Variants in LIPC observed in about 807,000 individuals in gnomAD.
LIPC encodes lipase C, hepatic type.
Under a neutral mutation model 50.7 loss-of-function variants are expected in LIPC, and 44 were observed. The ratio of observed to expected loss-of-function variants is 0.87; its 90% CI spans 0.68 to 1.11. The LOEUF (loss-of-function observed/expected upper bound fraction) is 1.11, where lower values mean the gene tolerates loss of function less well. LIPC is among the 50% of genes most tolerant of loss of function. LIPC has a pLI of 0.00. For synonymous variants in LIPC, 271 were observed against 256.4 expected (o/e 1.06, Z -0.54); for missense variants, 697 against 648.2 (o/e 1.08, Z -0.82).
rs763976980 is a variant in LIPC at position 58,538,510 on chromosome 15, G to A, written c.266G>A (p.Gly89Glu). The A allele has an allele frequency of 6.2e-7, 1 of 1,614,064 alleles. No individual in the cohort carries two copies. ...SSLPLVMIIH[G>E]WSVDGVLENW... ...CTGCCTCTGGTGATGATAATCCACG[G>A]GTGGTCGGTAGGAAATGCTGACATG... Residue 89 changes from glycine (G) to glutamate (E), a missense_variant, in exon 2 of 9, where the codon GGG becomes GAG. By Grantham distance (98) the Gly-to-Glu change is moderately conservative. Coordinates refer to ENST00000299022, the MANE Select transcript of LIPC (RefSeq NM_000236.3).
At chr15:58,557,131 C>T (rs1893979717) in intron 6 of LIPC, among the ~76,000 whole-genome samples, 1 of 152,020 alleles carries the variant, frequency 6.6e-6, no homozygotes, top group Non-Finnish European at 1.5e-5. Flanking sequence ...TGGGTATAAA[C>T]ATGTAAAAGT....
chr15:58,539,505 A>G (rs1447810450), intron 2 of LIPC, among the ~76,000 whole-genome samples: 1 of 152,182 alleles, frequency 6.6e-6, no homozygotes, highest in Non-Finnish European at 1.5e-5. Context: ...CCAAGAGGAA[A>G]TCCTGCCTCC....
At chr15:58,447,418 T>A (rs115046335) in intron 1 of LIPC, among the ~76,000 whole-genome samples, 101 of 152,252 alleles carry the variant, frequency 6.6e-4, no homozygotes, top group African/African-American at 2.3e-3. Context: ...AACACACACG[T>A]ATATGAGAAG....
intron 8 of LIPC, among the ~76,000 whole-genome samples, chr15:58,568,055 T>C (rs1318038016): frequency 6.6e-6 from 1 of 152,218 alleles, no homozygotes; most frequent in Non-Finnish European, 1.5e-5. Context: ...TTTCTACAGA[T>C]ATATCTATAG....
At chr15:58,513,912 A>G (rs574113896) in intron 1 of LIPC, among the ~76,000 whole-genome samples, 1 of 152,266 alleles carries the variant, frequency 6.6e-6, no homozygotes, top group Admixed American at 6.5e-5. Flanking sequence ...ATACACAAAC[A>G]TCTCCCCAGC....
intron 1 of LIPC, among the ~76,000 whole-genome samples, chr15:58,490,010 A>C (rs1376278354): frequency 6.6e-6 from 1 of 152,194 alleles, no homozygotes; most frequent in East Asian, 1.9e-4. Flanking sequence ...GGGAAAAGAA[A>C]AAAACAGTAC....
intron 1 of LIPC, among the ~76,000 whole-genome samples, chr15:58,472,523 C>A (rs1890847518): frequency 1.4e-5 from 2 of 146,166 alleles, no homozygotes; most frequent in Non-Finnish European, 3.0e-5. Context: ...TTGCAGTGAG[C>A]CAAGATCCTG....
intron 1 of LIPC, among the ~76,000 whole-genome samples, chr15:58,485,182 C>T (rs747649084): frequency 7.2e-5 from 11 of 152,192 alleles, no homozygotes; most frequent in East Asian, 3.9e-4. Context: ...TGGAAGAGGA[C>T]GGCGGGGTTA....
At chr15:58,466,202 G>A (rs1333518593) in intron 1 of LIPC, among the ~76,000 whole-genome samples, 3 of 152,208 alleles carry the variant, frequency 2.0e-5, no homozygotes, top group Non-Finnish European at 4.4e-5. Flanking sequence ...ACAGCAATGC[G>A]ATGGGACGTG....
chr15:58,447,476 G>A (rs542028922), intron 1 of LIPC, among the ~76,000 whole-genome samples: 15 of 152,312 alleles, frequency 9.8e-5, no homozygotes, highest in African/African-American at 2.9e-4. Context: ...TCCAAGTCTT[G>A]TGAGTTTCTG....
At chr15:58,489,224 G>GGGC (rs1491241104) in intron 1 of LIPC, among the ~76,000 whole-genome samples, 1 of 91,232 alleles carries the variant, frequency 1.1e-5, no homozygotes, top group Non-Finnish European at 2.3e-5. Flanking sequence ...TTGCGGGGGC[G>GGGC]GGGGGGCGGC....
chr15:58,457,352 T>C (rs551710139), intron 1 of LIPC, among the ~76,000 whole-genome samples: 1 of 152,214 alleles, frequency 6.6e-6, no homozygotes, highest in Non-Finnish European at 1.5e-5. Context: ...TCAGGTGATC[T>C]GCCCGCTTCA....
chr15:58,460,682 G>A (rs1894314849), intron 1 of LIPC, among the ~76,000 whole-genome samples: 1 of 152,166 alleles, frequency 6.6e-6, no homozygotes, highest in African/African-American at 2.4e-5. Flanking sequence ...GCCCACTGCA[G>A]AGCTCACACA....
intron 6 of LIPC, among the ~76,000 whole-genome samples, chr15:58,552,084 C>A (rs765743981): frequency 1.3e-5 from 2 of 152,172 alleles, no homozygotes; most frequent in African/African-American, 4.8e-5. Flanking sequence ...GGGAGGGAAA[C>A]GGATCTGTAC....
intron 8 of LIPC, among the ~76,000 whole-genome samples, chr15:58,564,768 C>T (rs909100782): frequency 1.3e-5 from 2 of 151,946 alleles, no homozygotes; most frequent in Admixed American, 6.6e-5. Flanking sequence ...AGGAAGGATG[C>T]TCCAGCGCTC....
Position 58,545,898 on chromosome 15 carries a change from A to G in LIPC, c.731A>G (p.Tyr244Cys), listed in dbSNP as rs756693135. The G allele has an allele frequency of 8.7e-6, 14 of 1,614,056 alleles. No individual in the cohort carries two copies. The highest frequency in any genetic ancestry group is 1.2e-5 in the Non-Finnish European group (14 of 1,180,034). ...CAGCCCATAGGACACTATGACTTCT[A>G]TCCCAACGGGGGCTCCTTCCAGCCT... The part of the protein sequence containing the change: ...IKQPIGHYDF[Y>C]PNGGSFQPGC... Residue 244 changes from tyrosine to cysteine, a missense_variant, in exon 5 of 9, where the codon TAT becomes TGT. Tyr to Cys is a radical substitution (Grantham distance 194). Coordinates refer to ENST00000299022, the MANE Select transcript of LIPC (RefSeq NM_000236.3).
At chr15:58,471,768 T>G (rs895204262) in intron 1 of LIPC, among the ~76,000 whole-genome samples, 2 of 152,210 alleles carry the variant, frequency 1.3e-5, no homozygotes, top group African/African-American at 4.8e-5. Flanking sequence ...TAGAGAGGCT[T>G]AGAAAGGGCA....
intron 8 of LIPC, chr15:58,565,620 A>T: frequency 4.7e-6 from 5 of 1,067,580 alleles, no homozygotes; most frequent in Non-Finnish European, 5.7e-6. Flanking sequence ...CATTGCTCAA[A>T]ATTGTCCCAG....
At chr15:58,495,861 G>T (rs114144267) in intron 1 of LIPC, among the ~76,000 whole-genome samples, 2 of 152,172 alleles carry the variant, frequency 1.3e-5, no homozygotes, top group East Asian at 3.9e-4. Flanking sequence ...CATGTTAAGC[G>T]TAGGGTCAAG....
Sources: allele counts gnomAD v4.1 joint callset (sites outside exome capture counted in the v4.1 genomes callset), GRCh38; gene constraint gnomAD v4.1.1; transcripts MANE v1.5; gene names NCBI Gene and HGNC (gene_info 2026-07-23, HGNC 2026-07-21).